The following MACROD2 variants were observed in gnomAD, a reference collection of about 807,000 sequenced individuals.
The protein encoded by MACROD2 is mono-ADP ribosylhydrolase 2, also known as ADP-ribose glycohydrolase MACROD2.
In MACROD2, 36 loss-of-function variants were observed where a neutral mutation model predicts 70.4. The ratio of observed to expected loss-of-function variants is 0.51; its 90% CI spans 0.39 to 0.68. The LOEUF is 0.68. MACROD2 is among the 30% of genes least tolerant of loss of function. MACROD2 has a pLI of 0.00. For missense variants in MACROD2, 496 were observed against 538.4 expected (o/e 0.92, Z 0.78); for synonymous variants, 172 against 178.8 (o/e 0.96, Z 0.30).
At chr20:14,233,713 AGAAAAG>A (rs796962724) in intron 3 of MACROD2, among the ~76,000 whole-genome samples, 4 of 104,838 alleles carry the variant, frequency 3.8e-5, no homozygotes, top group Non-Finnish European at 5.3e-5. Flanking sequence ...AAAAAAAAAA[AGAAAAG>A]AAAAGAAAAG....
intron 4 of MACROD2, among the ~76,000 whole-genome samples, chr20:14,544,259 G>T (rs2085466540): frequency 6.6e-6 from 1 of 150,432 alleles, no homozygotes; most frequent in Admixed American, 6.6e-5. Context: ...AAATAGGGTA[G>T]GGCTCAGCAT....
intron 3 of MACROD2, among the ~76,000 whole-genome samples, chr20:14,345,661 G>A (rs997701009): frequency 1.3e-5 from 2 of 151,672 alleles, no homozygotes; most frequent in African/African-American, 2.4e-5. Context: ...AACTCCTGAC[G>A]TCAGGTGATC....
chr20:14,718,693 G>T (rs1302775301), intron 5 of MACROD2, among the ~76,000 whole-genome samples: 1 of 152,122 alleles, frequency 6.6e-6, no homozygotes, highest in Non-Finnish European at 1.5e-5. Context: ...AGTCATCCTT[G>T]ATGCTCAAGT....
At chr20:15,188,877 A>C (rs1205067336) in intron 5 of MACROD2, among the ~76,000 whole-genome samples, 3 of 152,176 alleles carry the variant, frequency 2.0e-5, no homozygotes, top group Non-Finnish European at 1.5e-5. Context: ...TTGGGCAGTA[A>C]ACTATAACTC....
chr20:16,047,185 G>T (rs1302844433), intron 17 of MACROD2, among the ~76,000 whole-genome samples: 4 of 152,122 alleles, frequency 2.6e-5, no homozygotes, highest in Non-Finnish European at 4.4e-5. Context: ...TACACAGAAG[G>T]GTTTGTTAAG....
intron 5 of MACROD2, among the ~76,000 whole-genome samples, chr20:14,800,126 T>C (rs1178392654): frequency 6.6e-6 from 1 of 151,674 alleles, no homozygotes; most frequent in East Asian, 1.9e-4. Flanking sequence ...ACCTAAATAA[T>C]TTCTTGATTT....
chr20:14,545,840 A>G (rs980796580), intron 4 of MACROD2, among the ~76,000 whole-genome samples: 5 of 152,120 alleles, frequency 3.3e-5, no homozygotes, highest in East Asian at 1.9e-4. Flanking sequence ...CTCAGAATCT[A>G]TACAAGCCAT....
intron 3 of MACROD2, among the ~76,000 whole-genome samples, chr20:14,230,654 T>TATATATATATATAAAA: frequency 1.8e-4 from 13 of 74,240 alleles, no homozygotes; most frequent in Admixed American, 8.9e-4. Context: ...TATATATATA[T>TATATATATATATAAAA]AACACAGGCT....
At chr20:14,454,590 C>A (rs2122995745) in intron 3 of MACROD2, among the ~76,000 whole-genome samples, 1 of 151,752 alleles carries the variant, frequency 6.6e-6, no homozygotes, top group African/African-American at 2.4e-5. Flanking sequence ...CGTTTTAGAA[C>A]CAGGCTTTTT....
At chr20:15,087,075 C>A (rs1254963307) in intron 5 of MACROD2, among the ~76,000 whole-genome samples, 3 of 151,958 alleles carry the variant, frequency 2.0e-5, no homozygotes, top group African/African-American at 4.8e-5. Context: ...CAATACCTAT[C>A]ATCTATTTAT....
At chr20:14,105,557 C>T (rs2054358285) in intron 3 of MACROD2, among the ~76,000 whole-genome samples, 1 of 152,180 alleles carries the variant, frequency 6.6e-6, no homozygotes, top group Admixed American at 6.5e-5. Context: ...CCTAGGTAAA[C>T]TCAAGAGGCA....
At chr20:14,034,685 C>G (rs1200447159) in intron 2 of MACROD2, among the ~76,000 whole-genome samples, 1 of 152,156 alleles carries the variant, frequency 6.6e-6, no homozygotes, top group East Asian at 1.9e-4. Flanking sequence ...CATTCGTCAG[C>G]CGTTTATTAT....
chr20:15,661,386 A>G (rs113824524), intron 8 of MACROD2, among the ~76,000 whole-genome samples: 25 of 152,316 alleles, frequency 1.6e-4, no homozygotes, highest in African/African-American at 5.8e-4. Context: ...AGAAGGTTAC[A>G]GGGGAAGCAG....
chr20:15,624,654 C>G (rs901407975), intron 8 of MACROD2, among the ~76,000 whole-genome samples: 3 of 152,054 alleles, frequency 2.0e-5, no homozygotes, highest in African/African-American at 7.2e-5. Context: ...TCTCCAGCCG[C>G]TTTCTGACAA....
chr20:15,869,300 T>G (rs1461480274), intron 9 of MACROD2, among the ~76,000 whole-genome samples: 1 of 122,970 alleles, frequency 8.1e-6, no homozygotes, highest in African/African-American at 3.0e-5. Context: ...GATAGGAAAA[T>G]TAATTGCAGG....
At chr20:14,674,198 A>G (rs2070831090) in intron 4 of MACROD2, among the ~76,000 whole-genome samples, 1 of 152,136 alleles carries the variant, frequency 6.6e-6, no homozygotes, top group Non-Finnish European at 1.5e-5. Flanking sequence ...ACTATGGTTT[A>G]TATTTCCTTT....
In MACROD2 at chr20:15,021,207, TGTATACACATACAGGTGTGC is replaced by T. The variant is rs1316129995; in HGVS notation, c.419-208723_419-208704del. Among the ~76,000 whole-genome samples, 14 of 108,144 alleles carry T rather than the reference TGTATACACATACAGGTGTGC, an allele frequency of 1.3e-4. 1 individual carries two copies. Among genetic ancestry groups the T allele is most frequent in the African/African-American group, 5.4e-4 (14 of 25,852 alleles). 70.9% of individuals were successfully genotyped at this position (108,144 alleles called of 152,430 possible). A position where few individuals can be genotyped will look rare whatever the true frequency, so the allele number is the denominator to read the frequency against. On this transcript the variant is annotated intron_variant, in intron 5 of 17. Coordinates refer to ENST00000684519, the MANE Select transcript of MACROD2 (RefSeq NM_001351661.2). ...GTGCGTATACACACACCTGTGTGTA[TGTATACACATACAGGTGTGC>T]GTATACACACACCTGTGTGTATGTA...
intron 7 of MACROD2, among the ~76,000 whole-genome samples, chr20:15,481,494 T>G (rs2047096685): frequency 6.6e-6 from 1 of 152,208 alleles, no homozygotes; most frequent in Non-Finnish European, 1.5e-5. Context: ...ATGTATATGA[T>G]ATATATGTTT....
intron 5 of MACROD2, among the ~76,000 whole-genome samples, chr20:14,902,637 A>G (rs1449853310): frequency 6.6e-6 from 1 of 152,134 alleles, no homozygotes; most frequent in Non-Finnish European, 1.5e-5. Flanking sequence ...GTCCAAGAAA[A>G]GAAGAGAGGC....
Sources: gnomAD v4.1 joint callset for allele counts (sites outside exome capture counted in the v4.1 genomes callset) on GRCh38, gnomAD v4.1.1 for gene constraint, MANE v1.5 for transcripts, NCBI Gene and HGNC (gene_info 2026-07-23, HGNC 2026-07-21) for gene names.